Variants in CFAP54 observed in about 807,000 individuals in gnomAD.
CFAP54 encodes cilia and flagella associated protein 54, also known as cilia- and flagella-associated protein 54.
In CFAP54, 290 loss-of-function variants were observed where a neutral mutation model predicts 370.4. The ratio of observed to expected loss-of-function variants is 0.78; its 90% CI spans 0.71 to 0.86. CFAP54 has a LOEUF of 0.86. Ranked by LOEUF, CFAP54 falls within the 40% of genes least tolerant of loss-of-function variation. The pLI, the probability that CFAP54 is intolerant of heterozygous loss-of-function variation, is 0.00. For synonymous variants in CFAP54, 1,206 were observed against 1,236.5 expected (o/e 0.98, Z 0.52); for missense variants, 3,399 against 3,528.7 (o/e 0.96, Z 0.93).
At chr12:96,649,843 C>A in intron 34 of CFAP54, 48 bp from the exon 35 acceptor site, 2 of 1,328,490 alleles carry the variant, frequency 1.5e-6, no homozygotes, top group South Asian at 2.9e-5. Flanking sequence ...TTTTCTGGAA[C>A]TTAATTCTAT....
At chr12:96,624,907 T>A (rs570599232) in intron 28 of CFAP54, among the ~76,000 whole-genome samples, 1 of 152,348 alleles carries the variant, frequency 6.6e-6, no homozygotes, top group East Asian at 1.9e-4. Flanking sequence ...TGTAATCATC[T>A]TATTATATAT....
chr12:96,717,367 T>A (rs542423971), intron 48 of CFAP54, among the ~76,000 whole-genome samples: 16 of 152,272 alleles, frequency 1.1e-4, no homozygotes, highest in African/African-American at 3.8e-4. Context: ...CAGACCCTCA[T>A]AATTTAGGAG....
chr12:96,826,544 A>C (rs1161106716), intron 65 of CFAP54, among the ~76,000 whole-genome samples: 1 of 90,140 alleles, frequency 1.1e-5, no homozygotes, highest in Non-Finnish European at 2.0e-5. Flanking sequence ...TTATATATAT[A>C]ATTTATATAT....
intron 1 of CFAP54, among the ~76,000 whole-genome samples, chr12:96,490,279 TC>T (rs1954865172): frequency 1.3e-5 from 2 of 152,076 alleles, no homozygotes; most frequent in South Asian, 4.1e-4. Flanking sequence ...GTGATAGAAC[TC>T]CCAAAAAGGC....
intron 67 of CFAP54, among the ~76,000 whole-genome samples, chr12:96,871,877 CA>C (rs1209847327): frequency 1.3e-5 from 2 of 151,810 alleles, no homozygotes; most frequent in African/African-American, 4.8e-5. Context: ...AAATGATTTT[CA>C]AAAATTTCAG....
intron 16 of CFAP54, 90 bp from the exon 17 acceptor site, chr12:96,554,583 AGAT>A: frequency 7.9e-7 from 1 of 1,268,472 alleles, no homozygotes; most frequent in Non-Finnish European, 1.1e-6. Context: ...GTTACAAATA[AGAT>A]GATGATAACT....
intron 65 of CFAP54, among the ~76,000 whole-genome samples, chr12:96,821,030 G>C (rs1959026559): frequency 6.6e-6 from 1 of 152,088 alleles, no homozygotes; most frequent in African/African-American, 2.4e-5. Context: ...TTAGAGTAAG[G>C]ATTCTAGATT....
At chr12:96,610,088 T>A (rs1956339535) in intron 26 of CFAP54, among the ~76,000 whole-genome samples, 1 of 152,246 alleles carries the variant, frequency 6.6e-6, no homozygotes, top group African/African-American at 2.4e-5. Flanking sequence ...AAAAAAATGA[T>A]GTCACAGAGT....
intron 36 of CFAP54, among the ~76,000 whole-genome samples, chr12:96,653,294 C>A (rs969709303): frequency 6.6e-6 from 1 of 152,206 alleles, no homozygotes; most frequent in African/African-American, 2.4e-5. Flanking sequence ...CCTGTCACAA[C>A]TGTGGTACCG....
intron 48 of CFAP54, among the ~76,000 whole-genome samples, chr12:96,710,238 T>TAGCA (rs1957595617): frequency 6.6e-6 from 1 of 152,058 alleles, no homozygotes; most frequent in African/African-American, 2.4e-5. Context: ...ATAGTTACAG[T>TAGCA]TTCCAAGAGG....
At position 96,760,791 on chromosome 12, in the gene CFAP54, T is replaced by C. The variant is rs548210001; in HGVS notation, c.8040+3203T>C. On this transcript the variant is annotated intron_variant, in intron 58 of 67. Coordinates refer to ENST00000524981, the MANE Select transcript of CFAP54 (RefSeq NM_001306084.2). ...CCCATGTTGTAGTGTGTAACGGTAG[T>C]TTTGTTGTTGTTGTTGCTTAATAGT... Among the ~76,000 whole-genome samples, 15 of 152,336 alleles carry C rather than the reference T, an allele frequency of 9.8e-5. 1 individual carries two copies. In the South Asian group the frequency reaches 3.1e-3, roughly 32 times the overall value.
intron 12 of CFAP54, among the ~76,000 whole-genome samples, chr12:96,537,418 C>T (rs1240222438): frequency 1.3e-5 from 2 of 152,050 alleles, no homozygotes; most frequent in African/African-American, 2.4e-5. Context: ...TTTGGCTCAC[C>T]ACAACCTCTG....
intron 2 of CFAP54, among the ~76,000 whole-genome samples, chr12:96,502,838 A>G (rs1025966835): frequency 3.2e-4 from 49 of 152,244 alleles, no homozygotes; most frequent in African/African-American, 1.2e-3. Flanking sequence ...TAATGGGAAC[A>G]TAAGCATGAA....
intron 50 of CFAP54, among the ~76,000 whole-genome samples, chr12:96,739,462 G>A (rs192050744): frequency 6.6e-6 from 1 of 152,240 alleles, no homozygotes; most frequent in Non-Finnish European, 1.5e-5. Flanking sequence ...GCTAGACAGA[G>A]ATTAAACAAT....
intron 55 of CFAP54, among the ~76,000 whole-genome samples, chr12:96,745,114 T>C (rs1284007235): frequency 6.6e-6 from 1 of 152,236 alleles, no homozygotes; most frequent in Non-Finnish European, 1.5e-5. Flanking sequence ...GTTGATTCCA[T>C]GTCTTCTCTA....
At chr12:96,593,340 A>G (rs966007212) in intron 24 of CFAP54, among the ~76,000 whole-genome samples, 5 of 151,466 alleles carry the variant, frequency 3.3e-5, no homozygotes, top group East Asian at 1.9e-4. Context: ...TTAGCTGTCT[A>G]TGTTTTTTAC....
intron 5 of CFAP54, among the ~76,000 whole-genome samples, chr12:96,516,497 C>T (rs944009012): frequency 6.6e-6 from 1 of 152,092 alleles, no homozygotes; most frequent in East Asian, 1.9e-4. Context: ...GGGGCTCTTC[C>T]GTAGGTGAGA....
chr12:96,653,253 T>A (rs1348867767), intron 36 of CFAP54, among the ~76,000 whole-genome samples: 3 of 152,196 alleles, frequency 2.0e-5, no homozygotes, highest in African/African-American at 7.2e-5. Flanking sequence ...AACCCCTGAA[T>A]TTATAGCTGG....
At chr12:96,844,483 G>A (rs1174635196) in intron 66 of CFAP54, among the ~76,000 whole-genome samples, 1 of 152,134 alleles carries the variant, frequency 6.6e-6, no homozygotes, top group Non-Finnish European at 1.5e-5. Context: ...CTTGACTTTA[G>A]CCCAGGGAAA....
Sources: gnomAD v4.1 joint callset for allele counts (sites outside exome capture counted in the v4.1 genomes callset) on GRCh38, gnomAD v4.1.1 for gene constraint, MANE v1.5 for transcripts, NCBI Gene and HGNC (gene_info 2026-07-23, HGNC 2026-07-21) for gene names.